The following SLCO3A1 variants were observed in gnomAD, a reference collection of about 807,000 sequenced individuals.
SLCO3A1 encodes the protein PGE1 transporter.
Under a neutral mutation model 63.1 loss-of-function variants are expected in SLCO3A1, and 27 were observed. The ratio of observed to expected loss-of-function variants is 0.43; its 90% CI spans 0.32 to 0.59. The LOEUF (loss-of-function observed/expected upper bound fraction) is 0.59, where lower values mean the gene tolerates loss of function less well. Ranked by LOEUF, SLCO3A1 falls within the 20% of genes least tolerant of loss-of-function variation. The pLI, the probability that SLCO3A1 is intolerant of heterozygous loss-of-function variation, is 0.09. For missense variants in SLCO3A1, 773 were observed against 945.8 expected (o/e 0.82, Z 2.40); for synonymous variants, 473 against 409.9 (o/e 1.15, Z -1.86).
At chr15:91,868,919 C>T (rs544185230) in intron 1 of SLCO3A1, among the ~76,000 whole-genome samples, 55 of 152,202 alleles carry the variant, frequency 3.6e-4, no homozygotes, top group Non-Finnish European at 6.8e-4. Flanking sequence ...GTCATAGTTT[C>T]AAATGAAAAA....
intron 8 of SLCO3A1, chr15:92,148,911 A>C (rs2048267205): frequency 6.6e-6 from 1 of 152,264 alleles, no homozygotes; most frequent in African/African-American, 2.4e-5. Flanking sequence ...AAAACTATTT[A>C]GAGAAGATGA....
chr15:92,080,543 A>G (rs893216796), intron 2 of SLCO3A1, among the ~76,000 whole-genome samples: 14 of 152,106 alleles, frequency 9.2e-5, no homozygotes, highest in African/African-American at 3.4e-4. Context: ...CTTTGAATGG[A>G]GGATCAGTTT....
At chr15:92,013,298 G>A (rs1041123422) in intron 2 of SLCO3A1, among the ~76,000 whole-genome samples, 4 of 152,260 alleles carry the variant, frequency 2.6e-5, no homozygotes, top group African/African-American at 9.6e-5. Context: ...TGGATGAATA[G>A]AGAGGCTCAT....
At chr15:92,076,173 C>T (rs977273964) in intron 2 of SLCO3A1, among the ~76,000 whole-genome samples, 4 of 152,196 alleles carry the variant, frequency 2.6e-5, no homozygotes, top group Admixed American at 6.5e-5. Context: ...GCATTTGACT[C>T]ACATCTTGAC....
At position 91,916,100 on chromosome 15, in the gene SLCO3A1, G is replaced by C; in HGVS notation, c.288G>C (p.Val96=). The change falls in exon 2 of 10, where the codon GTG becomes GTC. Residue 96 remains valine (V), a synonymous_variant. Coordinates refer to ENST00000318445, the MANE Select transcript of SLCO3A1 (RefSeq NM_013272.4). This position sits in a 1 kb window ranked among gnomAD's most constrained non-coding sequence, Gnocchi z 6.2. ...GGAACCTGGCGCTCATCCTCTTCGTGAGCTACTTCGGGGCACGCGGGCACC... is the reference window on the plus strand; with the variant it reads ...GGAACCTGGCGCTCATCCTCTTCGTCAGCTACTTCGGGGCACGCGGGCACC... ...EIGNLALILF[V]SYFGARGHRP... The C allele has an allele frequency of 6.2e-7, 1 of 1,612,530 alleles. No individual in the cohort carries two copies. Among genetic ancestry groups the C allele is most frequent in the Non-Finnish European group, 8.5e-7 (1 of 1,179,834 alleles).
intron 6 of SLCO3A1, 58 bp from the exon 7 acceptor site, chr15:92,128,293 G>T: frequency 1.2e-6 from 2 of 1,605,408 alleles, no homozygotes; most frequent in South Asian, 1.1e-5. Context: ...GTCACTGGGG[G>T]CATCTGATTC....
At chr15:92,050,094 A>G (rs74030434) in intron 2 of SLCO3A1, among the ~76,000 whole-genome samples, 7,581 of 152,294 alleles carry the variant, frequency 0.05, 595 homozygotes, top group African/African-American at 0.17. Context: ...GCTCCTGATC[A>G]CTAAGCTGCA....
intron 2 of SLCO3A1, among the ~76,000 whole-genome samples, chr15:92,075,747 C>T (rs1391515019): frequency 2.6e-5 from 4 of 152,356 alleles, no homozygotes; most frequent in Admixed American, 2.6e-4. Context: ...CCCTTTGGCA[C>T]ACTGGCCAAG....
intron 1 of SLCO3A1, among the ~76,000 whole-genome samples, chr15:91,915,699 C>T (rs1171458231): frequency 6.6e-6 from 1 of 151,994 alleles, no homozygotes; most frequent in Non-Finnish European, 1.5e-5. Context: ...GTGGGGAATG[C>T]AGTGTTTCCG....
chr15:92,063,449 T>A (rs8036055), intron 2 of SLCO3A1, among the ~76,000 whole-genome samples: 2,082 of 152,318 alleles, frequency 0.014, 48 homozygotes, highest in African/African-American at 0.048. Flanking sequence ...CAAGCCTCTC[T>A]TTCCCTGTCT....
At chr15:92,057,003 A>G (rs996237507) in intron 2 of SLCO3A1, among the ~76,000 whole-genome samples, 1 of 152,228 alleles carries the variant, frequency 6.6e-6, no homozygotes, top group Non-Finnish European at 1.5e-5. Flanking sequence ...ATACATTCCC[A>G]AACATCTCAA....
At position 91,916,218 on chromosome 15, in the gene SLCO3A1, G is replaced by C. The variant is rs746064184; in HGVS notation, c.406G>C (p.Glu136Gln). 1.3e-6 allele frequency: 2 copies of C among 1,578,860 alleles called. No individual in the cohort carries two copies. The highest frequency in any genetic ancestry group is 1.7e-6 in the Non-Finnish European group (2 of 1,164,560). ...GTTCCTGACCCACCAGTACAAGTAC[G>C]AGGCGGGCGAGATCCGCTGGGGCGC... Reference protein sequence around the residue: ...PEFLTHQYKYEAGEIRWGAEG... With the variant: ...PEFLTHQYKYQAGEIRWGAEG... Residue 136 changes from glutamate to glutamine, a missense_variant, in exon 2 of 10, where the codon GAG becomes CAG. By Grantham distance (29) the Glu-to-Gln change is conservative. Around this residue, in one of 3 missense-constraint regions of SLCO3A1, gnomAD observed 565 missense variants for 749.8 expected, o/e 0.75. Coordinates refer to ENST00000318445, the MANE Select transcript of SLCO3A1 (RefSeq NM_013272.4). This position sits in a 1 kb window ranked among gnomAD's most constrained non-coding sequence, Gnocchi z 6.2.
chr15:91,878,161 C>G (rs1897451307), intron 1 of SLCO3A1, among the ~76,000 whole-genome samples: 1 of 146,950 alleles, frequency 6.8e-6, no homozygotes, highest in Non-Finnish European at 1.5e-5. Context: ...GCTCAACTCA[C>G]TGCAACCTCT....
In SLCO3A1 at chr15:91,985,323, C is replaced by A. The variant is rs7177169; in HGVS notation, c.646+68865C>A. ...AGTTGTAGTTTATTCTGTTTAAGTG[C>A]AGCACTCCATTCTGTGACAGCCCCG... On this transcript the variant is annotated intron_variant, in intron 2 of 9. Transcript: ENST00000318445. 5.9e-3 allele frequency among the ~76,000 whole-genome samples: 898 copies of A among 152,306 alleles called. 11 individuals are homozygous for A. Among genetic ancestry groups the A allele is most frequent in the African/African-American group, 0.021 (861 of 41,556 alleles).
chr15:92,151,142 TAAG>T (rs2048300276), intron 9 of SLCO3A1, 128 bp downstream of exon 9: 3 of 681,218 alleles, frequency 4.4e-6, no homozygotes, highest in Admixed American at 3.4e-5. Context: ...TATTAGTAAA[TAAG>T]AAATTTTAAG....
At chr15:92,016,201 T>A (rs977612902) in intron 2 of SLCO3A1, among the ~76,000 whole-genome samples, 62 of 62,736 alleles carry the variant, frequency 9.9e-4, no homozygotes, top group African/African-American at 3.1e-3. Flanking sequence ...GTATATATAT[T>A]TATATAGATA....
intron 2 of SLCO3A1, among the ~76,000 whole-genome samples, chr15:92,022,585 T>C (rs2046523821): frequency 2.0e-5 from 3 of 152,198 alleles, no homozygotes; most frequent in African/African-American, 7.2e-5. Context: ...AATTTGTTAT[T>C]TTGTTTTCGA....
intron 2 of SLCO3A1, among the ~76,000 whole-genome samples, chr15:91,926,386 G>T (rs1483730697): frequency 1.3e-5 from 2 of 152,132 alleles, no homozygotes; most frequent in Non-Finnish European, 2.9e-5. Flanking sequence ...TTATTCAATG[G>T]CTCGTTTATT....
At chr15:92,142,393 C>T (rs912063604) in intron 7 of SLCO3A1, among the ~76,000 whole-genome samples, 1 of 152,176 alleles carries the variant, frequency 6.6e-6, no homozygotes. Context: ...AGGCCTGCTT[C>T]CTTTTCATAG....
Sources: allele counts gnomAD v4.1 joint callset (sites outside exome capture counted in the v4.1 genomes callset), GRCh38; gene constraint gnomAD v4.1.1; regional missense constraint gnomAD v4.1.1; non-coding constraint Gnocchi (gnomAD v3.1); transcripts MANE v1.5; gene names NCBI Gene and HGNC (gene_info 2026-07-23, HGNC 2026-07-21).